GNA15: variants seen among roughly 807,000 people sequenced by gnomAD.
GNA15 encodes the protein guanine nucleotide-binding protein subunit alpha-15.
In GNA15, 23 loss-of-function variants were observed where a neutral mutation model predicts 40.1. That is an observed-to-expected ratio of 0.57 (90% CI 0.41 to 0.81). The LOEUF (loss-of-function observed/expected upper bound fraction) is 0.81, where lower values mean the gene tolerates loss of function less well. GNA15 is among the 40% of genes least tolerant of loss of function. GNA15 has a pLI of 0.00. For synonymous variants in GNA15, 226 were observed against 210.4 expected (o/e 1.07, Z -0.64); for missense variants, 522 against 515.8 (o/e 1.01, Z -0.12).
intron 6 of GNA15, 74 bp downstream of exon 6, chr19:3,157,955 CTACTT>C (rs1915068775): frequency 8.3e-7 from 1 of 1,199,056 alleles, no homozygotes; most frequent in Non-Finnish European, 1.2e-6. Context: ...AATCCAGACT[CTACTT>C]CAGCCTGGAG....
intron 5 of GNA15, among the ~76,000 whole-genome samples, chr19:3,156,475 C>T (rs571522401): frequency 6.6e-6 from 1 of 151,638 alleles, no homozygotes; most frequent in African/African-American, 2.4e-5. Flanking sequence ...CAGGCACACA[C>T]ACGCACACAC....
intron 6 of GNA15, among the ~76,000 whole-genome samples, chr19:3,158,368 A>AG (rs1360662875): frequency 6.6e-6 from 1 of 151,870 alleles, no homozygotes; most frequent in Non-Finnish European, 1.5e-5. Context: ...TGACCAGGAT[A>AG]GTCTCGATCA....
chr19:3,162,763 C>A, intron 6 of GNA15, 30 bp from the exon 7 acceptor site: 1 of 1,508,914 alleles, frequency 6.6e-7, no homozygotes, highest in Non-Finnish European at 9.2e-7. Context: ...GAGGGAGGGT[C>A]CTCACCCCCT....
In GNA15 at chr19:3,151,701, C is replaced by T. The variant is rs776236362; in HGVS notation, c.486-6C>T. The T allele has an allele frequency of 1.9e-6, 3 of 1,585,946 alleles. No homozygotes were observed. Among genetic ancestry groups the T allele is most frequent in the Non-Finnish European group, 2.6e-6 (3 of 1,166,714 alleles). ...AGGCTGGGCCTCAGGACTCCTTGCT[C>T]TGCAGCTACCTGTCCCACCTGGAGC... On this transcript the variant is annotated splice_polypyrimidine_tract_variant and splice_region_variant and intron_variant, in intron 3 of 6. Coordinates refer to ENST00000262958, the MANE Select transcript of GNA15 (RefSeq NM_002068.4). The surrounding 1 kb of genome is among the most constrained non-coding windows in gnomAD (Gnocchi z 5.0).
intron 5 of GNA15, among the ~76,000 whole-genome samples, chr19:3,157,123 G>A (rs1365584108): frequency 2.0e-5 from 3 of 151,766 alleles, no homozygotes; most frequent in African/African-American, 4.8e-5. Context: ...TCAGCCTCCC[G>A]AGTAGCTGGG....
chr19:3,138,248 A>T (rs1914495996), intron 1 of GNA15, among the ~76,000 whole-genome samples: 1 of 152,056 alleles, frequency 6.6e-6, no homozygotes, highest in Non-Finnish European at 1.5e-5. Flanking sequence ...CCTGGGCAAC[A>T]AGAACAAAAC....
intron 1 of GNA15, among the ~76,000 whole-genome samples, chr19:3,148,003 G>C (rs1314806017): frequency 6.6e-6 from 1 of 152,036 alleles, no homozygotes; most frequent in Admixed American, 6.6e-5. Flanking sequence ...CCCTTACCGT[G>C]AGCATTTTAT....
chr19:3,152,799 C>T (rs1461963269), intron 4 of GNA15, among the ~76,000 whole-genome samples: 4 of 152,090 alleles, frequency 2.6e-5, no homozygotes, highest in African/African-American at 9.7e-5. Context: ...TTCCCTAAAT[C>T]CCCCAAACCT....
chr19:3,140,892 T>C (rs537465843), intron 1 of GNA15, among the ~76,000 whole-genome samples: 1 of 152,354 alleles, frequency 6.6e-6, no homozygotes, highest in Admixed American at 6.5e-5. Context: ...CCCCTTCTAC[T>C]GATGGAGGGC....
intron 1 of GNA15, among the ~76,000 whole-genome samples, chr19:3,138,943 TTTTTTTTTTTTC>T (rs1208782694): frequency 1.4e-5 from 2 of 138,428 alleles, no homozygotes; most frequent in Non-Finnish European, 3.1e-5. Flanking sequence ...CAGCCTCTTT[TTTTTTTTTTTTC>T]TTTTTTTTTA....
intron 1 of GNA15, among the ~76,000 whole-genome samples, chr19:3,143,617 C>T (rs1914628071): frequency 6.6e-6 from 1 of 152,048 alleles, no homozygotes; most frequent in Non-Finnish European, 1.5e-5. Flanking sequence ...CAAGCCACTG[C>T]ACTCTAGCCT....
At chr19:3,144,838 AT>A (rs1027950902) in intron 1 of GNA15, among the ~76,000 whole-genome samples, 1 of 102,558 alleles carries the variant, frequency 9.8e-6, no homozygotes, top group Non-Finnish European at 2.1e-5. Flanking sequence ...CTTTATTTTT[AT>A]TTTTTTTGAG....
chr19:3,150,178 G>C lies in GNA15; in HGVS notation c.378G>C (p.Thr126=). The change falls in exon 3 of 7, where the codon ACG becomes ACC. Residue 126 remains threonine, a synonymous_variant. Coordinates refer to ENST00000262958, the MANE Select transcript of GNA15 (RefSeq NM_002068.4). ...VMSQDPYKVT[T]FEKRYAAAMQ... ...GCCAGGACCCCTATAAAGTGACCAC[G>C]TTTGAGAAGCGCTACGCTGCGGCCA... is the stretch of plus-strand genomic sequence containing the variant. 1 of 1,613,478 alleles carries C rather than the reference G, an allele frequency of 6.2e-7. No homozygotes were observed. Among genetic ancestry groups the C allele is most frequent in the South Asian group, 1.1e-5 (1 of 91,086 alleles).
In GNA15 at chr19:3,136,694, T is replaced by C. The variant is rs411210; in HGVS notation, c.145+99T>C. ...GAGGCGGATCAGGCTAGGTCAGACA[T>C]TGGCATCGTGGAGCCGTCGCCTCCT... On this transcript the variant is annotated intron_variant, in intron 1 of 6. Transcript: ENST00000262958. The surrounding 1 kb of genome is among the most constrained non-coding windows in gnomAD (Gnocchi z 4.9). 0.59 allele frequency: 636,780 copies of C among 1,085,462 alleles called. 189,609 individuals are homozygous for C. Among genetic ancestry groups the C allele is most frequent in the Admixed American group, 0.7 (28,349 of 40,458 alleles). The allele number at this position is 1,085,462 out of a possible 1,614,324, so 67.2% of individuals were successfully genotyped here.
At position 3,152,195 on chromosome 19, in the gene GNA15, G is replaced by T. The variant is rs552719325; in HGVS notation, c.614+360G>T. 3.9e-5 allele frequency among the ~76,000 whole-genome samples: 6 copies of T among 152,292 alleles called. No individual in the cohort carries two copies. The East Asian group carries it at 1.2e-3, about 29-fold the overall frequency. Reference sequence around the variant, plus strand: ...TCAGGACCAGGTCTGGGGAGGCCTGGTCTGGGGAGCTCAGAGGTGATCCCT... The same window carrying T: ...TCAGGACCAGGTCTGGGGAGGCCTGTTCTGGGGAGCTCAGAGGTGATCCCT... On this transcript the variant is annotated intron_variant, in intron 4 of 6. Transcript: ENST00000262958.
chr19:3,139,859 C>T (rs2144839447), intron 1 of GNA15, among the ~76,000 whole-genome samples: 1 of 151,724 alleles, frequency 6.6e-6, no homozygotes, highest in African/African-American at 2.4e-5. Flanking sequence ...TGTGGTGAAA[C>T]CCCATCTCTA....
intron 1 of GNA15, 115 bp from the exon 2 acceptor site, chr19:3,148,476 C>A: frequency 1.0e-6 from 1 of 982,922 alleles, no homozygotes. Context: ...CCGGCTGCAC[C>A]GGGGTTTGAA....
chr19:3,137,095 T>C (rs1914476632), intron 1 of GNA15, among the ~76,000 whole-genome samples: 1 of 152,244 alleles, frequency 6.6e-6, no homozygotes, highest in Non-Finnish European at 1.5e-5. Context: ...ATTGATTGGT[T>C]CATTGGTTCA....
At chr19:3,137,548 C>A (rs1914484090) in intron 1 of GNA15, among the ~76,000 whole-genome samples, 1 of 152,100 alleles carries the variant, frequency 6.6e-6, no homozygotes, top group African/African-American at 2.4e-5. Flanking sequence ...CTTTGGGAGG[C>A]CGAGGTGGGT....
Sources: gnomAD v4.1 joint callset for allele counts (sites outside exome capture counted in the v4.1 genomes callset) on GRCh38, gnomAD v4.1.1 for gene constraint, Gnocchi (gnomAD v3.1) non-coding constraint, MANE v1.5 for transcripts, NCBI Gene and HGNC (gene_info 2026-07-23, HGNC 2026-07-21) for gene names.